Variants in MYOF observed in about 807,000 individuals in gnomAD.
MYOF encodes the protein myoferlin, also known as fer-1-like 3, myoferlin.
In MYOF, 244 loss-of-function variants were observed where a neutral mutation model predicts 284.2. The ratio of observed to expected loss-of-function variants is 0.86; its 90% CI spans 0.77 to 0.95. The LOEUF (loss-of-function observed/expected upper bound fraction) is 0.95. MYOF is among the 40% of genes least tolerant of loss of function. The pLI is 0.00. For synonymous variants in MYOF, 904 were observed against 919.7 expected (o/e 0.98, Z 0.31); for missense variants, 2,496 against 2,560.6 (o/e 0.97, Z 0.54).
chr10:93,332,359 A>G (rs1366607230), intron 43 of MYOF, among the ~76,000 whole-genome samples: 1 of 151,736 alleles, frequency 6.6e-6, no homozygotes, highest in African/African-American at 2.4e-5. Flanking sequence ...AGTAGCTGGG[A>G]TTACAGGTAC....
intron 1 of MYOF, among the ~76,000 whole-genome samples, chr10:93,472,229 C>G (rs974597245): frequency 2.6e-5 from 4 of 152,114 alleles, no homozygotes; most frequent in African/African-American, 7.2e-5. Context: ...ATGCCCACAC[C>G]CATTAAGATG....
At chr10:93,372,832 T>C (rs1845650935) in intron 24 of MYOF, 98 bp downstream of exon 24, 14 of 1,401,728 alleles carry the variant, frequency 1.0e-5, no homozygotes, top group African/African-American at 1.4e-5. Flanking sequence ...CAATCACCCT[T>C]ACCATTCAAT....
rs1245214148 is a variant in MYOF, at chr10:93,336,046, T to C, written c.4438A>G (p.Ile1480Val). 14 of 1,613,380 alleles carry C rather than the reference T, an allele frequency of 8.7e-6. No homozygotes were observed. In the East Asian group the frequency reaches 2.7e-4, roughly 31 times the overall value. Residue 1480 changes from isoleucine to valine, a missense_variant and splice_region_variant, in exon 41 of 54, where the codon ATA becomes GTA. By Grantham distance (29) the Ile-to-Val change is conservative. This residue lies in a region of MYOF where 2,436 missense variants were observed against 2,480.7 expected (regional missense o/e 0.98). Coordinates refer to ENST00000359263, the MANE Select transcript of MYOF (RefSeq NM_013451.4). ...YIQKGYSKLK[I>V]YNCELENVAE... is the part of the protein sequence containing the mutation. Reference sequence around the variant, plus strand: ...ACATTTTCTAGTTCACAATTATATATCTGAAAACCACCAACAGAGTCTTAA... The same window carrying C: ...ACATTTTCTAGTTCACAATTATATACCTGAAAACCACCAACAGAGTCTTAA...
At chr10:93,463,387 T>A in intron 1 of MYOF, among the ~76,000 whole-genome samples, 1 of 113,084 alleles carries the variant, frequency 8.8e-6, no homozygotes, top group Non-Finnish European at 1.8e-5. Flanking sequence ...AGACTTCGTC[T>A]CTACAAATTT....
At position 93,377,429 on chromosome 10, in the gene MYOF, G is replaced by A; in HGVS notation, c.2002C>T (p.Gln668Ter). The change falls in exon 22 of 54, where the codon CAA (glutamine) becomes TAA (stop). Residue 668 changes from glutamine to a stop codon, truncating the protein, a stop_gained and splice_region_variant. Coordinates refer to ENST00000359263, the MANE Select transcript of MYOF (RefSeq NM_013451.4). LOFTEE classifies it high-confidence loss of function. ...NTLLAMAERL[Q>*]TNIEALKSGI... Reference sequence around the variant, plus strand: ...GATTTTAGAGCTTCTATATTTGTTTGCTGAAGAATTTGAAAAGAGAGGAAA... The same window carrying A: ...GATTTTAGAGCTTCTATATTTGTTTACTGAAGAATTTGAAAAGAGAGGAAA... 1 of 1,606,350 alleles carries A rather than the reference G, an allele frequency of 6.2e-7. No homozygotes were observed. Among genetic ancestry groups the A allele is most frequent in the South Asian group, 1.1e-5 (1 of 90,812 alleles).
chr10:93,393,293 G>A (rs993291741), intron 16 of MYOF, among the ~76,000 whole-genome samples: 1 of 152,138 alleles, frequency 6.6e-6, no homozygotes, highest in Non-Finnish European at 1.5e-5. Flanking sequence ...CTTATCTTAC[G>A]GCTTAGTTGG....
At chr10:93,452,526 T>A (rs1488469352) in intron 2 of MYOF, among the ~76,000 whole-genome samples, 6 of 119,372 alleles carry the variant, frequency 5.0e-5, no homozygotes, top group Admixed American at 1.2e-4. Context: ...GGACACAGGA[T>A]GGGGAACATC....
In MYOF at chr10:93,409,709, T is replaced by C; in HGVS notation, c.464A>G (p.Asp155Gly). The change falls in exon 6 of 54, where the codon GAC becomes GGC. Residue 155 changes from aspartate (D) to glycine (G), a missense_variant. Asp to Gly is a moderately conservative substitution (Grantham distance 94). Coordinates refer to ENST00000359263, the MANE Select transcript of MYOF (RefSeq NM_013451.4). ...GCCCCTGACTGCATTGTCCAACCTGTCTTCATCACCTTCATCTTCTTCCCC... is the reference window on the plus strand; with the variant it reads ...GCCCCTGACTGCATTGTCCAACCTGCCTTCATCACCTTCATCTTCTTCCCC... ...GDGEEDEGDE[D>G]RLDNAVRGPG... 1 of 1,614,202 alleles carries C rather than the reference T, an allele frequency of 6.2e-7. No individual in the cohort carries two copies. The highest frequency in any genetic ancestry group is 2.2e-5 in the East Asian group (1 of 44,884).
chr10:93,474,358 G>C (rs1299394992), intron 1 of MYOF, among the ~76,000 whole-genome samples: 1 of 152,138 alleles, frequency 6.6e-6, no homozygotes, highest in Non-Finnish European at 1.5e-5. Context: ...TGGTCCTCCT[G>C]TACTGTTCCA....
intron 5 of MYOF, among the ~76,000 whole-genome samples, chr10:93,412,488 C>A (rs530191670): frequency 1.8e-4 from 27 of 152,282 alleles, no homozygotes; most frequent in Admixed American, 1.4e-3. Context: ...TCTTAAGTTT[C>A]AGATGAAACT....
intron 43 of MYOF, among the ~76,000 whole-genome samples, chr10:93,332,870 A>G (rs1843394779): frequency 6.6e-6 from 1 of 152,018 alleles, no homozygotes; most frequent in Admixed American, 6.6e-5. Flanking sequence ...AGGAATAATA[A>G]TAGCACCTCA....
At chr10:93,427,217 C>CAAAAAA (rs78503109) in intron 4 of MYOF, among the ~76,000 whole-genome samples, 2 of 142,838 alleles carry the variant, frequency 1.4e-5, no homozygotes, top group African/African-American at 5.2e-5. Context: ...CAAAACAAAA[C>CAAAAAA]AAAAAAAAAC....
chr10:93,378,001 A>G (rs370258802), intron 21 of MYOF, among the ~76,000 whole-genome samples: 1 of 152,254 alleles, frequency 6.6e-6, no homozygotes, highest in East Asian at 1.9e-4. Flanking sequence ...TCGTTTGCTG[A>G]GAAGGCCTAG....
At chr10:93,408,285 C>T (rs1464601277) in intron 7 of MYOF, among the ~76,000 whole-genome samples, 5 of 152,156 alleles carry the variant, frequency 3.3e-5, no homozygotes, top group Non-Finnish European at 7.3e-5. Flanking sequence ...CGCGGTGGCT[C>T]ATGCCTGTAA....
intron 3 of MYOF, among the ~76,000 whole-genome samples, chr10:93,431,997 C>T (rs184497836): frequency 6.6e-6 from 1 of 152,206 alleles, no homozygotes; most frequent in African/African-American, 2.4e-5. Context: ...ATCTGCCCAC[C>T]TCAGCTTCCC....
intron 5 of MYOF, among the ~76,000 whole-genome samples, chr10:93,421,010 G>A (rs1848335590): frequency 6.6e-6 from 1 of 152,128 alleles, no homozygotes; most frequent in South Asian, 2.1e-4. Context: ...TTGAGGTCAG[G>A]AGTTCAAGAC....
At chr10:93,327,057 T>C (rs926961467) in intron 45 of MYOF, among the ~76,000 whole-genome samples, 8 of 152,068 alleles carry the variant, frequency 5.3e-5, no homozygotes. Context: ...AAAGATGCTG[T>C]GTGACTCCAA....
chr10:93,415,995 T>C (rs1848104850), intron 5 of MYOF, among the ~76,000 whole-genome samples: 1 of 152,236 alleles, frequency 6.6e-6, no homozygotes, highest in South Asian at 2.1e-4. Context: ...CTCATGCTTC[T>C]TCCAGCCAGC....
intron 3 of MYOF, among the ~76,000 whole-genome samples, chr10:93,436,438 G>A (rs1324713325): frequency 6.6e-6 from 1 of 152,060 alleles, no homozygotes; most frequent in Non-Finnish European, 1.5e-5. Context: ...AAATTCTGAT[G>A]CTTTTGTAGG....
Sources: gnomAD v4.1 joint callset for allele counts (sites outside exome capture counted in the v4.1 genomes callset) on GRCh38, gnomAD v4.1.1 for gene constraint, gnomAD v4.1.1 regional missense constraint, MANE v1.5 for transcripts, NCBI Gene and HGNC (gene_info 2026-07-23, HGNC 2026-07-21) for gene names.